Variants in RBFOX1 observed in about 807,000 individuals in gnomAD.
The protein encoded by RBFOX1 is RNA binding protein fox-1 homolog 1.
RBFOX1 carries 8 observed loss-of-function variants against 57.7 expected under a neutral mutation model. The ratio of observed to expected loss-of-function variants is 0.14; its 90% CI spans 0.08 to 0.25. The LOEUF is 0.25. Among genes scored for constraint, RBFOX1 ranks in the 10% least tolerant of loss-of-function variants. The probability of loss-of-function intolerance (pLI) is 1.00; values close to 1 mark genes in which losing one functional copy is unlikely to be tolerated. For missense variants in RBFOX1, 611 were observed against 548.5 expected (o/e 1.11, Z -1.14); for synonymous variants, 326 against 222.4 (o/e 1.47, Z -4.15).
chr16:7,081,513 A>G (rs766266201), intron 4 of RBFOX1, among the ~76,000 whole-genome samples: 1 of 152,078 alleles, frequency 6.6e-6, no homozygotes, highest in Non-Finnish European at 1.5e-5. Flanking sequence ...AAATAGAAGC[A>G]CTCATTTCTC....
intron 3 of RBFOX1, among the ~76,000 whole-genome samples, chr16:5,856,036 G>C (rs1490166396): frequency 8.3e-6 from 1 of 120,580 alleles, no homozygotes; most frequent in Admixed American, 9.1e-5. Flanking sequence ...TTTCTTTCCA[G>C]TAGTTCATTC....
intron 2 of RBFOX1, among the ~76,000 whole-genome samples, chr16:6,401,864 A>G (rs2019249): frequency 0.66 from 100,173 of 151,490 alleles, 33,834 homozygotes; most frequent in African/African-American, 0.81. Context: ...TAGTAAATCC[A>G]TCAATAACCC....
At chr16:5,910,047 C>G (rs984536530) in intron 4 of RBFOX1, among the ~76,000 whole-genome samples, 12 of 150,706 alleles carry the variant, frequency 8.0e-5, no homozygotes, top group Non-Finnish European at 1.6e-4. Flanking sequence ...AGCAAGACTT[C>G]AAAAACAAAC....
intron 4 of RBFOX1, among the ~76,000 whole-genome samples, chr16:7,515,923 C>A (rs1042959832): frequency 2.0e-5 from 3 of 152,158 alleles, no homozygotes; most frequent in African/African-American, 7.2e-5. Context: ...CAGCTCACTG[C>A]AACTTCCACC....
At chr16:6,369,901 AT>A (rs1340553276) in intron 2 of RBFOX1, among the ~76,000 whole-genome samples, 1 of 152,068 alleles carries the variant, frequency 6.6e-6, no homozygotes, top group East Asian at 1.9e-4. Context: ...TTGTTTTCCA[AT>A]TTCATCAATT....
chr16:6,941,966 C>T (rs1028735152), intron 3 of RBFOX1, among the ~76,000 whole-genome samples: 1 of 152,142 alleles, frequency 6.6e-6, no homozygotes, highest in Non-Finnish European at 1.5e-5. Context: ...CAATGGCTCA[C>T]ACCTGTAATC....
chr16:5,530,597 T>G (rs866569632), intron 2 of RBFOX1, among the ~76,000 whole-genome samples: 14 of 152,332 alleles, frequency 9.2e-5, no homozygotes, highest in Middle Eastern at 3.4e-3. Flanking sequence ...ATTCTGTTGT[T>G]GGGGTGATAT....
At chr16:5,561,881 T>G (rs75907804) in intron 2 of RBFOX1, among the ~76,000 whole-genome samples, 1 of 152,294 alleles carries the variant, frequency 6.6e-6, no homozygotes, top group East Asian at 1.9e-4. Flanking sequence ...GAAGCTTTAT[T>G]GCAAATGCAT....
intron 3 of RBFOX1, among the ~76,000 whole-genome samples, chr16:6,946,369 C>T (rs1041097066): frequency 1.3e-5 from 2 of 152,154 alleles, no homozygotes; most frequent in East Asian, 1.9e-4. Flanking sequence ...CTGTACTGGG[C>T]CTATATTGCT....
chr16:6,716,345 C>T (rs1012290360), intron 3 of RBFOX1, among the ~76,000 whole-genome samples: 1 of 152,176 alleles, frequency 6.6e-6, no homozygotes, highest in African/African-American at 2.4e-5. Context: ...CCCTCTTGCT[C>T]CCTCATCTTT....
At chr16:6,494,110 A>ATAGATAGAT (rs1421748192) in intron 2 of RBFOX1, among the ~76,000 whole-genome samples, 1 of 152,232 alleles carries the variant, frequency 6.6e-6, no homozygotes, top group Non-Finnish European at 1.5e-5. Flanking sequence ...GTAAGAAAAT[A>ATAGATAGAT]TAGATAGATC....
At position 5,645,109 on chromosome 16, in the gene RBFOX1, T is replaced by C. The variant is rs551355373; in HGVS notation, c.318+46148T>C. 4.0e-5 allele frequency among the ~76,000 whole-genome samples: 6 copies of C among 149,954 alleles called. No homozygotes were observed. The South Asian group carries it at 1.3e-3, about 32-fold the overall frequency. ...AAAAAAAAAAAATAAAAATGTTGAG[T>C]GTGGTGATGCATGCCCGTAATCCCA... On this transcript the variant is annotated intron_variant, in intron 3 of 19. Transcript: ENST00000641259.
intron 3 of RBFOX1, among the ~76,000 whole-genome samples, chr16:6,683,514 C>G (rs1367919663): frequency 1.3e-5 from 2 of 151,962 alleles, no homozygotes; most frequent in African/African-American, 4.8e-5. Context: ...ATAAACAAAA[C>G]TATATATATA....
At chr16:7,000,651 C>G (rs2092708510) in intron 3 of RBFOX1, among the ~76,000 whole-genome samples, 1 of 128,672 alleles carries the variant, frequency 7.8e-6, no homozygotes, top group Non-Finnish European at 1.5e-5. Flanking sequence ...GTCGCCCAGG[C>G]TGGAGTGCAG....
At chr16:7,226,462 C>A (rs2093128672) in intron 4 of RBFOX1, among the ~76,000 whole-genome samples, 1 of 152,136 alleles carries the variant, frequency 6.6e-6, no homozygotes, top group African/African-American at 2.4e-5. Context: ...GTATGTGCAG[C>A]CTGCATTGAC....
intron 1 of RBFOX1, among the ~76,000 whole-genome samples, chr16:6,213,834 T>G (rs1365367981): frequency 6.6e-6 from 1 of 152,194 alleles, no homozygotes; most frequent in African/African-American, 2.4e-5. Flanking sequence ...TGTTGACATT[T>G]GGAACTGGAC....
At chr16:6,537,027 T>A (rs1475299140) in intron 2 of RBFOX1, among the ~76,000 whole-genome samples, 1 of 152,202 alleles carries the variant, frequency 6.6e-6, no homozygotes, top group African/African-American at 2.4e-5. Context: ...CAGTCCTACG[T>A]ACGGTAGGAA....
chr16:5,876,084 C>G (rs537951207), intron 4 of RBFOX1, among the ~76,000 whole-genome samples: 1 of 152,220 alleles, frequency 6.6e-6, no homozygotes, highest in East Asian at 1.9e-4. Flanking sequence ...ACCTCGTGAT[C>G]CACCCGCCTT....
intron 5 of RBFOX1, among the ~76,000 whole-genome samples, chr16:7,554,704 T>C (rs2152571357): frequency 6.6e-6 from 1 of 152,258 alleles, no homozygotes; most frequent in African/African-American, 2.4e-5. Context: ...AACTTAACTA[T>C]TCCCAATTTG....
Sources: gnomAD v4.1 joint callset for allele counts (sites outside exome capture counted in the v4.1 genomes callset) on GRCh38, gnomAD v4.1.1 for gene constraint, MANE v1.5 for transcripts, NCBI Gene and HGNC (gene_info 2026-07-23, HGNC 2026-07-21) for gene names.